AIM2: variants seen among roughly 807,000 people sequenced by gnomAD.
AIM2 encodes absent in melanoma 2.
Under a neutral mutation model 27.7 loss-of-function variants are expected in AIM2, and 30 were observed. The ratio of observed to expected loss-of-function variants is 1.08; its 90% CI spans 0.81 to 1.47. The LOEUF (loss-of-function observed/expected upper bound fraction) is 1.47, where lower values mean the gene tolerates loss of function less well. Among genes scored for constraint, AIM2 ranks in the 40% most tolerant of loss-of-function variants. The pLI, the probability that AIM2 is intolerant of heterozygous loss-of-function variation, is 0.00. For synonymous variants in AIM2, 141 were observed against 145.3 expected, an observed-to-expected ratio of 0.97 and a Z score of 0.21; for missense variants, 358 against 411.3, an observed-to-expected ratio of 0.87 and a Z score of 1.12.
Position 159,073,528 on chromosome 1 carries a change from AATCCAAAACATGTAAG to A in AIM2, c.-20-25_-20-10del. On this transcript the variant is annotated splice_polypyrimidine_tract_variant and intron_variant, in intron 1 of 5. Coordinates refer to ENST00000368130, the MANE Select transcript of AIM2 (RefSeq NM_004833.3). ...ACAACTTTGGGATCAGCCTATAAGG[AATCCAAAACATGTAAG>A]ATTACACCACCAAAAGTGATTCTAC... The A allele has an allele frequency of 6.3e-7, 1 of 1,593,076 alleles. No individual in the cohort carries two copies. The highest frequency in any genetic ancestry group is 8.6e-7 in the Non-Finnish European group (1 of 1,165,840).
chr1:159,075,370 G>A (rs548015134), intron 1 of AIM2, among the ~76,000 whole-genome samples: 95 of 151,468 alleles, frequency 6.3e-4, no homozygotes, highest in African/African-American at 1.9e-3. Flanking sequence ...GTAGAAGGAG[G>A]TTCCTTAAAT....
chr1:159,063,989 AT>A (rs1359120427), intron 4 of AIM2, among the ~76,000 whole-genome samples: 2 of 152,100 alleles, frequency 1.3e-5, no homozygotes, highest in African/African-American at 4.8e-5. Flanking sequence ...TATTAATAAC[AT>A]TTTTCTCTAG....
chr1:159,144,517 A>G (rs1648168983), upstream of AIM2, among the ~76,000 whole-genome samples: 1 of 152,194 alleles, frequency 6.6e-6, no homozygotes, highest in South Asian at 2.1e-4. Flanking sequence ...AGGAAGGGTG[A>G]AGTCAAGTCA....
upstream of AIM2, among the ~76,000 whole-genome samples, chr1:159,077,167 T>C (rs1656640660): frequency 6.6e-6 from 1 of 152,224 alleles, no homozygotes; most frequent in South Asian, 2.1e-4. Context: ...GACATTTTAT[T>C]GTGGAGCAAA....
chr1:159,081,418 T>C, upstream of AIM2: 1 of 381,858 alleles, frequency 2.6e-6, no homozygotes, highest in Non-Finnish European at 5.2e-6. Flanking sequence ...CCTGAAATAA[T>C]GCTTGTCAGG....
At chr1:159,118,519 AGT>A (rs1647444278) in intron 1 of AIM2, among the ~76,000 whole-genome samples, 2 of 152,230 alleles carry the variant, frequency 1.3e-5, no homozygotes, top group Admixed American at 1.3e-4. Context: ...GTCCACTGTC[AGT>A]GAGGTGTAGT....
At chr1:159,102,104 T>C (rs60720528) in intron 1 of AIM2, among the ~76,000 whole-genome samples, 6,083 of 152,182 alleles carry the variant, frequency 0.04, 286 homozygotes, top group African/African-American at 0.11. Context: ...TGCCCCCTGC[T>C]CTATGCAGCC....
At chr1:159,088,292 A>T (rs1570957143) in intron 1 of AIM2, among the ~76,000 whole-genome samples, 1 of 152,274 alleles carries the variant, frequency 6.6e-6, no homozygotes, top group South Asian at 2.1e-4. Flanking sequence ...TGTGGCCAAG[A>T]AGTTTTTTCA....
chr1:159,142,135 T>G (rs1648125997), upstream of AIM2, among the ~76,000 whole-genome samples: 1 of 152,086 alleles, frequency 6.6e-6, no homozygotes, highest in Non-Finnish European at 1.5e-5. Flanking sequence ...GCTTGGGGAT[T>G]CAGGAAAACC....
the AIM2 span, among the ~76,000 whole-genome samples, chr1:159,056,166 G>A: frequency 6.6e-6 from 1 of 152,196 alleles, no homozygotes; most frequent in South Asian, 2.1e-4. Context: ...GGGTGAAAAG[G>A]AAAAGAGGGA....
At chr1:159,059,250 TACACACACACACACACCAAAC>T (rs1190788499), downstream of AIM2, among the ~76,000 whole-genome samples, 4 of 151,510 alleles carry the variant, frequency 2.6e-5, no homozygotes, top group Non-Finnish European at 5.9e-5. Flanking sequence ...GCTATTCTTA[TACACACACACACACACCAAAC>T]ACACACACAC....
chr1:159,084,423 T>G (rs1170269848), intron 1 of AIM2, among the ~76,000 whole-genome samples: 1 of 152,028 alleles, frequency 6.6e-6, no homozygotes, highest in Non-Finnish European at 1.5e-5. Context: ...AGATTCCTAC[T>G]GCAAACAACA....
At chr1:159,057,179 C>T in the AIM2 span, among the ~76,000 whole-genome samples, 12 of 152,284 alleles carry the variant, frequency 7.9e-5, no homozygotes, top group African/African-American at 2.9e-4. Context: ...CGGCTTGTAC[C>T]CATGAAGCAG....
intron 2 of AIM2, among the ~76,000 whole-genome samples, chr1:159,070,796 T>C (rs1377060696): frequency 2.0e-5 from 3 of 152,208 alleles, no homozygotes; most frequent in Non-Finnish European, 4.4e-5. Flanking sequence ...CTTCCAATGG[T>C]AAGTTAGTTC....
At chr1:159,139,188 C>T (rs1648066620) in intron 1 of AIM2, among the ~76,000 whole-genome samples, 1 of 152,204 alleles carries the variant, frequency 6.6e-6, no homozygotes, top group African/African-American at 2.4e-5. Context: ...GGAGGACCCT[C>T]TACCTACTTG....
intron 1 of AIM2, 72 bp downstream of exon 1, chr1:159,076,561 C>A (rs1173508859): frequency 6.6e-6 from 1 of 152,210 alleles, no homozygotes; most frequent in African/African-American, 2.4e-5. Context: ...GCTGGCCTTT[C>A]CTCAGTTGTC....
intron 1 of AIM2, among the ~76,000 whole-genome samples, chr1:159,124,185 A>G (rs989229624): frequency 1.3e-5 from 2 of 151,826 alleles, no homozygotes. Flanking sequence ...AATGTACCAT[A>G]TTACATCTCT....
chr1:159,115,519 G>A (rs1022044583), intron 1 of AIM2, among the ~76,000 whole-genome samples: 14 of 152,088 alleles, frequency 9.2e-5, no homozygotes, highest in Admixed American at 2.6e-4. Context: ...CAGCCCTCAG[G>A]AATAATGCCG....
chr1:159,080,618 C>T (rs939576601), upstream of AIM2, among the ~76,000 whole-genome samples: 9 of 152,098 alleles, frequency 5.9e-5, no homozygotes, highest in Non-Finnish European at 1.2e-4. Flanking sequence ...GTGAAAAATA[C>T]GGATTTTAGG....
Sources: gnomAD v4.1 joint callset for allele counts (sites outside exome capture counted in the v4.1 genomes callset) on GRCh38, gnomAD v4.1.1 for gene constraint, MANE v1.5 for transcripts, NCBI Gene and HGNC (gene_info 2026-07-23, HGNC 2026-07-21) for gene names.